PTPRT: variants seen among roughly 807,000 people sequenced by gnomAD.
The protein encoded by PTPRT is protein tyrosine phosphatase receptor type T, also known as receptor-type tyrosine-protein phosphatase T.
A neutral mutation model predicts 176.8 loss-of-function variants in PTPRT; 56 were observed. The observed-to-expected ratio is 0.32, with a 90% CI of 0.26 to 0.40. The LOEUF (loss-of-function observed/expected upper bound fraction) is 0.40. PTPRT is among the 10% of genes least tolerant of loss of function. PTPRT has a pLI of 1.00. For synonymous variants in PTPRT, 783 were observed against 739.0 expected (o/e 1.06, Z -0.96); for missense variants, 1,540 against 1,908.2 (o/e 0.81, Z 3.60).
chr20:42,343,754 G>A (rs576261316), intron 11 of PTPRT, among the ~76,000 whole-genome samples: 5 of 152,180 alleles, frequency 3.3e-5, no homozygotes, highest in Non-Finnish European at 5.9e-5. Context: ...CCAGCACTTC[G>A]CATGTAGTAG....
intron 6 of PTPRT, among the ~76,000 whole-genome samples, chr20:42,678,852 G>A (rs952978200): frequency 6.6e-6 from 1 of 152,168 alleles, no homozygotes; most frequent in African/African-American, 2.4e-5. Flanking sequence ...CAAAACCAGG[G>A]GAGCCTGAGG....
At chr20:42,057,336 C>T in the PTPRT span, among the ~76,000 whole-genome samples, 2 of 151,654 alleles carry the variant, frequency 1.3e-5, no homozygotes, top group Non-Finnish European at 2.9e-5. Context: ...ATGTTATTGG[C>T]GGGGGGCGGG....
chr20:42,668,858 ATTTTTTTTTTT>A (rs755121515), intron 7 of PTPRT, among the ~76,000 whole-genome samples: 2 of 81,276 alleles, frequency 2.5e-5, no homozygotes, highest in Non-Finnish European at 2.3e-5. Flanking sequence ...CGCCCAGCTA[ATTTTTTTTTTT>A]TTTTTTTTTT....
chr20:43,010,287 C>T (rs954322216), intron 1 of PTPRT, among the ~76,000 whole-genome samples: 6 of 151,890 alleles, frequency 4.0e-5, no homozygotes, highest in Non-Finnish European at 7.4e-5. Flanking sequence ...AGTGTAGAAC[C>T]GATGATCATT....
intron 1 of PTPRT, among the ~76,000 whole-genome samples, chr20:42,966,588 C>A (rs567937095): frequency 6.6e-6 from 1 of 152,330 alleles, no homozygotes; most frequent in East Asian, 1.9e-4. Context: ...TGAGAACATA[C>A]ACCCAGTGAA....
intron 11 of PTPRT, among the ~76,000 whole-genome samples, chr20:42,340,061 A>G (rs1020081846): frequency 5.3e-5 from 8 of 152,304 alleles, no homozygotes; most frequent in Admixed American, 6.5e-5. Flanking sequence ...ATGTAGTAAA[A>G]TAGAATTTTC....
intron 8 of PTPRT, among the ~76,000 whole-genome samples, chr20:42,463,259 T>C (rs1201709444): frequency 6.6e-6 from 1 of 152,186 alleles, no homozygotes; most frequent in East Asian, 1.9e-4. Context: ...CTGTATCCCT[T>C]TTCCATTCCT....
chr20:42,276,516 T>A, intron 13 of PTPRT, among the ~76,000 whole-genome samples: 3 of 24,810 alleles, frequency 1.2e-4, no homozygotes, highest in African/African-American at 1.8e-4. Context: ...TATATATATA[T>A]ATATATATAT....
chr20:42,202,740 C>T (rs1451353841), intron 15 of PTPRT, among the ~76,000 whole-genome samples: 3 of 152,178 alleles, frequency 2.0e-5, no homozygotes, highest in African/African-American at 7.2e-5. Context: ...TAACTTAAAA[C>T]TATAAATGAG....
rs1354950707 is a variant in PTPRT, at chr20:42,316,009, G to A, written c.1866-13C>T. The A allele has an allele frequency of 6.2e-7, 1 of 1,612,508 alleles. No individual in the cohort carries two copies. The highest frequency in any genetic ancestry group is 1.3e-5 in the African/African-American group (1 of 74,908). ...CAGCTGATAAACACTGGACAGGAAA[G>A]AGGAGACACAGATGGTTGAGCAACT... On this transcript the variant is annotated splice_polypyrimidine_tract_variant and intron_variant, in intron 11 of 30. Coordinates refer to ENST00000373187, the MANE Select transcript of PTPRT (RefSeq NM_007050.6).
chr20:42,839,405 A>C (rs2078239105), intron 2 of PTPRT, among the ~76,000 whole-genome samples: 1 of 152,080 alleles, frequency 6.6e-6, no homozygotes, highest in Non-Finnish European at 1.5e-5. Context: ...AAAGTAAGGC[A>C]CAGTTTTCAT....
intron 16 of PTPRT, among the ~76,000 whole-genome samples, chr20:42,168,206 G>T (rs1456489707): frequency 1.3e-5 from 2 of 152,158 alleles, no homozygotes; most frequent in African/African-American, 4.8e-5. Context: ...GGTTGGTCTT[G>T]CTGTCTCAGG....
the PTPRT span, among the ~76,000 whole-genome samples, chr20:42,040,213 G>C: frequency 1.8e-3 from 274 of 152,280 alleles, 1 homozygote; most frequent in African/African-American, 6.3e-3. Flanking sequence ...TCTTAAAGGG[G>C]ATGATGCCAC....
intron 1 of PTPRT, among the ~76,000 whole-genome samples, chr20:43,045,629 ATT>A (rs3091704): frequency 3.0e-5 from 4 of 132,790 alleles, no homozygotes; most frequent in Non-Finnish European, 4.8e-5. Context: ...TAATTTTTCT[ATT>A]TTTTTTTTTT....
At chr20:42,487,120 C>T (rs1167390350) in intron 7 of PTPRT, among the ~76,000 whole-genome samples, 1 of 152,118 alleles carries the variant, frequency 6.6e-6, no homozygotes, top group Non-Finnish European at 1.5e-5. Flanking sequence ...GTGTGGAGAG[C>T]CAGAAGATTC....
chr20:42,636,511 T>A (rs972454633), intron 7 of PTPRT, among the ~76,000 whole-genome samples: 2 of 152,162 alleles, frequency 1.3e-5, no homozygotes, highest in East Asian at 3.9e-4. Context: ...ATGGGCCAGA[T>A]GCAGTGGCTC....
At chr20:42,308,910 C>A (rs764297281) in intron 12 of PTPRT, among the ~76,000 whole-genome samples, 3 of 152,184 alleles carry the variant, frequency 2.0e-5, no homozygotes, top group Non-Finnish European at 4.4e-5. Context: ...ACTATTATAA[C>A]GTGATTATAC....
intron 2 of PTPRT, among the ~76,000 whole-genome samples, chr20:42,871,318 A>T (rs1011087865): frequency 9.8e-5 from 7 of 71,188 alleles, no homozygotes; most frequent in African/African-American, 3.4e-4. Context: ...CCCTTTTTAA[A>T]AAAAAAAAAA....
At chr20:43,167,995 T>A (rs758228447) in intron 1 of PTPRT, among the ~76,000 whole-genome samples, 3 of 152,210 alleles carry the variant, frequency 2.0e-5, no homozygotes, top group Non-Finnish European at 4.4e-5. Flanking sequence ...ACAATAAATG[T>A]GTGTTAAGTG....
Sources: allele counts gnomAD v4.1 joint callset (sites outside exome capture counted in the v4.1 genomes callset), GRCh38; gene constraint gnomAD v4.1.1; transcripts MANE v1.5; gene names NCBI Gene and HGNC (gene_info 2026-07-23, HGNC 2026-07-21).